Variants in PEX3 observed in about 807,000 individuals in gnomAD.
PEX3 encodes the protein peroxisomal biogenesis factor 3.
In PEX3, 30 loss-of-function variants were observed where a neutral mutation model predicts 55.8. The ratio of observed to expected loss-of-function variants is 0.54; its 90% CI spans 0.40 to 0.73. PEX3 has a LOEUF of 0.73. Among genes scored for constraint, PEX3 ranks in the 30% least tolerant of loss-of-function variants. PEX3 has a pLI of 0.00. For missense variants in PEX3, 351 were observed against 432.8 expected, an observed-to-expected ratio of 0.81 and a Z score of 1.68; for synonymous variants, 135 against 148.4, an observed-to-expected ratio of 0.91 and a Z score of 0.66.
rs953619232 is a variant in PEX3 at position 143,451,835 on chromosome 6, C to G, written c.73+720C>G. ...AGATAAAAATCTTGAGACGCTTTTC[C>G]CTCATACAATGCTCATGTGATAATA... On this transcript the variant is annotated intron_variant, in intron 1 of 11. Transcript: ENST00000367591. The surrounding 1 kb of genome is among the most constrained non-coding windows in gnomAD (Gnocchi z 4.1). Among the ~76,000 whole-genome samples, 5 of 152,086 alleles carry G rather than the reference C, an allele frequency of 3.3e-5. No homozygotes were observed. The highest frequency in any genetic ancestry group is 1.2e-4 in the African/African-American group (5 of 41,398).
In PEX3 at chr6:143,472,315, C is replaced by T. The variant is rs775696229; in HGVS notation, c.734C>T (p.Pro245Leu). 1.2e-6 allele frequency: 2 copies of T among 1,606,966 alleles called. No individual in the cohort carries two copies. Among genetic ancestry groups the T allele is most frequent in the South Asian group, 2.2e-5 (2 of 90,942 alleles). The change falls in exon 8 of 12, where the codon CCA becomes CTA. Residue 245 changes from proline to leucine, a missense_variant. By Grantham distance (98) the Pro-to-Leu change is moderately conservative. Coordinates refer to ENST00000367591, the MANE Select transcript of PEX3 (RefSeq NM_003630.3). Reference sequence around the variant, plus strand: ...TATATGATGCCAGATGAAGAAACTCCATTAGCAGTGCAGGTGCTTAATTCA... The same window carrying T: ...TATATGATGCCAGATGAAGAAACTCTATTAGCAGTGCAGGTGCTTAATTCA... ...CHYMMPDEET[P>L]LAVQACGLSP...
chr6:143,472,383 T>C (rs762574769), intron 8 of PEX3, 55 bp downstream of exon 8: 3 of 1,290,728 alleles, frequency 2.3e-6, no homozygotes, highest in Non-Finnish European at 3.4e-6. Flanking sequence ...TTTAAAATTT[T>C]ACTCTCTTGA....
Position 143,463,014 on chromosome 6 carries a change from G to C in PEX3, c.287+17G>C. ...AAAAAACAGGTAAATGCAAGTTACA[G>C]CATTTTCTGTTTAAGCACTACACTT... On this transcript the variant is annotated intron_variant, in intron 3 of 11. Transcript: ENST00000367591. The surrounding 1 kb of genome is among the most constrained non-coding windows in gnomAD (Gnocchi z 5.7). The C allele has an allele frequency of 1.9e-6, 3 of 1,580,364 alleles. No homozygotes were observed. Among genetic ancestry groups the C allele is most frequent in the Non-Finnish European group, 2.6e-6 (3 of 1,149,388 alleles).
In PEX3 at chr6:143,466,729, A is replaced by C. The variant is rs1445857499; in HGVS notation, c.288-1393A>C. ...GCTATATTTTTAAAAAGGTAAAGAA[A>C]AATGTGTATAATATTTTTCACTTAT... On this transcript the variant is annotated intron_variant, in intron 3 of 11. Transcript: ENST00000367591. This position sits in a 1 kb window ranked among gnomAD's most constrained non-coding sequence, Gnocchi z 5.4. Among the ~76,000 whole-genome samples, 1 of 152,014 alleles carries C rather than the reference A, an allele frequency of 6.6e-6. No homozygotes were observed. Among genetic ancestry groups the C allele is most frequent in the African/African-American group, 2.4e-5 (1 of 41,436 alleles).
At chr6:143,474,064 C>T (rs1029321252) in intron 8 of PEX3, among the ~76,000 whole-genome samples, 1 of 151,874 alleles carries the variant, frequency 6.6e-6, no homozygotes, top group African/African-American at 2.4e-5. Context: ...CCCACGAGTT[C>T]GAGGTTGCCT....
intron 8 of PEX3, among the ~76,000 whole-genome samples, chr6:143,473,670 C>A (rs1780106564): frequency 6.6e-6 from 1 of 152,028 alleles, no homozygotes; most frequent in African/African-American, 2.4e-5. Context: ...TCAGGACCAG[C>A]CTGGGCAACA....
rs1330424270 is a variant in PEX3 at position 143,453,538 on chromosome 6, G to A, written c.73+2423G>A. Among the ~76,000 whole-genome samples the A allele has an allele frequency of 6.6e-6, 1 of 152,040 alleles. No homozygotes were observed. Among genetic ancestry groups the A allele is most frequent in the Non-Finnish European group, 1.5e-5 (1 of 67,992 alleles). On this transcript the variant is annotated intron_variant, in intron 1 of 11. Coordinates refer to ENST00000367591, the MANE Select transcript of PEX3 (RefSeq NM_003630.3). The surrounding 1 kb of genome is among the most constrained non-coding windows in gnomAD (Gnocchi z 4.6). ...TGTTTTTCAGACAGGATCTTGCTCTGTTACCCACGCTAGAATACAATGGTG... is the reference window on the plus strand; with the variant it reads ...TGTTTTTCAGACAGGATCTTGCTCTATTACCCACGCTAGAATACAATGGTG...
chr6:143,462,577 T>C lies in PEX3; in HGVS notation c.206-339T>C, dbSNP rs574687278. Among the ~76,000 whole-genome samples the C allele has an allele frequency of 8.7e-4, 133 of 152,056 alleles. 1 individual carries two copies. Among genetic ancestry groups the C allele is most frequent in the Non-Finnish European group, 1.6e-3 (106 of 68,002 alleles). Reference sequence around the variant, plus strand: ...ACTTTTGTAAAAAATTTGGAGAGTATGGAAAAGAAAAAAAAGGAATTGTTC... The same window carrying C: ...ACTTTTGTAAAAAATTTGGAGAGTACGGAAAAGAAAAAAAAGGAATTGTTC... On this transcript the variant is annotated intron_variant, in intron 2 of 11. Transcript: ENST00000367591. The surrounding 1 kb of genome is among the most constrained non-coding windows in gnomAD (Gnocchi z 4.1).
At chr6:143,469,464 TA>T (rs1159011779) in intron 4 of PEX3, among the ~76,000 whole-genome samples, 1 of 152,262 alleles carries the variant, frequency 6.6e-6, no homozygotes, top group African/African-American at 2.4e-5. Flanking sequence ...GTTGGCTGCA[TA>T]AATGTCTGCT....
In PEX3 at chr6:143,462,049, C is replaced by T. The variant is rs1427135356; in HGVS notation, c.206-867C>T. Among the ~76,000 whole-genome samples, 1 of 152,178 alleles carries T rather than the reference C, an allele frequency of 6.6e-6. No homozygotes were observed. Among genetic ancestry groups the T allele is most frequent in the Non-Finnish European group, 1.5e-5 (1 of 68,034 alleles). On this transcript the variant is annotated intron_variant, in intron 2 of 11. Coordinates refer to ENST00000367591, the MANE Select transcript of PEX3 (RefSeq NM_003630.3). This position sits in a 1 kb window ranked among gnomAD's most constrained non-coding sequence, Gnocchi z 4.1. The stretch of plus-strand genomic sequence containing the variant: ...TTTACATTTTTATATGTGTATTCCT[C>T]CATTTCTTTTTTTCTCTAATCCCAT...
intron 3 of PEX3, 108 bp from the exon 4 acceptor site, chr6:143,468,014 T>A: frequency 1.5e-6 from 1 of 664,762 alleles, no homozygotes; most frequent in Non-Finnish European, 2.6e-6. Context: ...AGTTATGCTG[T>A]GTTGCTTTTA....
Position 143,450,875 on chromosome 6 carries a change from T to C in PEX3, c.-168T>C. On this transcript the variant is annotated 5_prime_UTR_variant, in exon 1 of 12. Transcript: ENST00000367591. ...TGCTTTGCTGTAGTCCACGCCCCCT[T>C]GCCGCTCCGGTGACAGTCTCTGCGG... 1 of 791,268 alleles carries C rather than the reference T, an allele frequency of 1.3e-6. No individual in the cohort carries two copies. The highest frequency in any genetic ancestry group is 2.2e-6 in the Non-Finnish European group (1 of 447,798). 49.0% of individuals were successfully genotyped at this position (791,268 alleles called of 1,614,324 possible).
At chr6:143,457,820 A>G (rs529720397) in intron 1 of PEX3, among the ~76,000 whole-genome samples, 1 of 152,338 alleles carries the variant, frequency 6.6e-6, no homozygotes, top group African/African-American at 2.4e-5. Context: ...ATGCTACCGC[A>G]GAACTGCTTA....
At chr6:143,473,411 CTAAAG>C (rs1161415778) in intron 8 of PEX3, among the ~76,000 whole-genome samples, 7 of 152,114 alleles carry the variant, frequency 4.6e-5, no homozygotes, top group Non-Finnish European at 8.8e-5. Context: ...TTTTAGGACT[CTAAAG>C]TAATTTACAG....
chr6:143,465,783 C>T lies in PEX3; in HGVS notation c.288-2339C>T, dbSNP rs186719967. The stretch of plus-strand genomic sequence containing the variant: ...ACTCAACACATTTTCTGAACCTGTG[C>T]CATCTAGGAAAGAGGTAACTGAAAC... On this transcript the variant is annotated intron_variant, in intron 3 of 11. Transcript: ENST00000367591. This position sits in a 1 kb window ranked among gnomAD's most constrained non-coding sequence, Gnocchi z 4.7. Among the ~76,000 whole-genome samples, 1 of 152,026 alleles carries T rather than the reference C, an allele frequency of 6.6e-6. No individual in the cohort carries two copies. Among genetic ancestry groups the T allele is most frequent in the East Asian group, 1.9e-4 (1 of 5,178 alleles).
Position 143,476,433 on chromosome 6 carries a change from T to C in PEX3, c.818+1577T>C, listed in dbSNP as rs1024551204. ...AAGCAGGGCAGTGACATCATCTGTG[T>C]TTATAAAAGATCTCATTGCTCTATG... On this transcript the variant is annotated intron_variant, in intron 9 of 11. Transcript: ENST00000367591. The surrounding 1 kb of genome is among the most constrained non-coding windows in gnomAD (Gnocchi z 5.4). 2.6e-5 allele frequency among the ~76,000 whole-genome samples: 4 copies of C among 152,160 alleles called. No individual in the cohort carries two copies. Among genetic ancestry groups the C allele is most frequent in the African/African-American group, 9.7e-5 (4 of 41,434 alleles).
Position 143,458,987 on chromosome 6 carries a change from C to T in PEX3, c.74-98C>T, listed in dbSNP as rs2128745509. The T allele has an allele frequency of 1.3e-6, 1 of 759,722 alleles. No individual in the cohort carries two copies. Among genetic ancestry groups the T allele is most frequent in the Non-Finnish European group, 2.2e-6 (1 of 449,158 alleles). The allele number at this position is 759,722 out of a possible 1,614,324, so 47.1% of individuals were successfully genotyped here. A position where few individuals can be genotyped will look rare whatever the true frequency, so the allele number is the denominator to read the frequency against. Reference sequence around the variant, plus strand: ...GTTTTAAAAATGTAATTTTAGCTATCCACTAATATAAAACTTATAATTGCA... The same window carrying T: ...GTTTTAAAAATGTAATTTTAGCTATTCACTAATATAAAACTTATAATTGCA... On this transcript the variant is annotated intron_variant, in intron 1 of 11. Transcript: ENST00000367591. This position sits in a 1 kb window ranked among gnomAD's most constrained non-coding sequence, Gnocchi z 6.1.
intron 1 of PEX3, among the ~76,000 whole-genome samples, chr6:143,456,029 A>G (rs1487117297): frequency 6.6e-6 from 1 of 152,240 alleles, no homozygotes; most frequent in Non-Finnish European, 1.5e-5. Context: ...ATTTTCTAGT[A>G]ATGTTATTAA....
rs1008865693 is a variant in PEX3 at position 143,475,893 on chromosome 6, T to G, written c.818+1037T>G. On this transcript the variant is annotated intron_variant, in intron 9 of 11. Coordinates refer to ENST00000367591, the MANE Select transcript of PEX3 (RefSeq NM_003630.3). The surrounding 1 kb of genome is among the most constrained non-coding windows in gnomAD (Gnocchi z 4.4). ...TTAATTCATTTATCTCATTGAATTA[T>G]TCATCAACTATGTATTGGCTGTCTG... 1.3e-5 allele frequency among the ~76,000 whole-genome samples: 2 copies of G among 152,256 alleles called. No individual in the cohort carries two copies.
Sources: gnomAD v4.1 joint callset for allele counts (sites outside exome capture counted in the v4.1 genomes callset) on GRCh38, gnomAD v4.1.1 for gene constraint, Gnocchi (gnomAD v3.1) non-coding constraint, MANE v1.5 for transcripts, NCBI Gene and HGNC (gene_info 2026-07-23, HGNC 2026-07-21) for gene names.